The following SAP130 variants were observed in gnomAD, a reference collection of about 807,000 sequenced individuals.
The protein encoded by SAP130 is histone deacetylase complex subunit SAP130.
SAP130 carries 16 observed loss-of-function variants against 103.2 expected under a neutral mutation model. That is an observed-to-expected ratio of 0.16 (90% CI 0.10 to 0.24). The LOEUF (loss-of-function observed/expected upper bound fraction) is 0.24, where lower values mean the gene tolerates loss of function less well. Among genes scored for constraint, SAP130 ranks in the 10% least tolerant of loss-of-function variants. The pLI, the probability that SAP130 is intolerant of heterozygous loss-of-function variation, is 1.00. For synonymous variants in SAP130, 477 were observed against 497.0 expected (o/e 0.96, Z 0.53); for missense variants, 990 against 1,359.7 (o/e 0.73, Z 4.28).
rs1267223645 is a variant in SAP130, at chr2:127,989,210, C to T, written c.1780+354G>A. ...ACATCCCCAGTTCACGCCATTCTCTCGCCTCAGCCTCCCGAGTAGCTAGGA... is the reference window on the plus strand; with the variant it reads ...ACATCCCCAGTTCACGCCATTCTCTTGCCTCAGCCTCCCGAGTAGCTAGGA... On this transcript the variant is annotated intron_variant, in intron 13 of 20. Transcript: ENST00000643581. The surrounding 1 kb of genome is among the most constrained non-coding windows in gnomAD (Gnocchi z 4.6). Among the ~76,000 whole-genome samples the T allele has an allele frequency of 6.6e-6, 1 of 151,664 alleles. No individual in the cohort carries two copies. Among genetic ancestry groups the T allele is most frequent in the Non-Finnish European group, 1.5e-5 (1 of 67,956 alleles).
In SAP130 at chr2:127,996,423, T is replaced by C; in HGVS notation, c.1282A>G (p.Ser428Gly). The C allele has an allele frequency of 6.2e-7, 1 of 1,610,184 alleles. No individual in the cohort carries two copies. The highest frequency in any genetic ancestry group is 1.1e-5 in the South Asian group (1 of 90,294). ...RIQPDYPAER[S>G]SLIPISGHRA... is the part of the protein sequence containing the mutation. ...TGTCCGGAGATGGGAATCAGGCTAC[T>C]CCTCTCGGCAGGGTAGTCTGGCTGG... The change falls in exon 11 of 21, where the codon AGT becomes GGT. Residue 428 changes from serine (S) to glycine (G), a missense_variant. Coordinates refer to ENST00000643581, the MANE Select transcript of SAP130 (RefSeq NM_001330301.2). The surrounding 1 kb of genome is among the most constrained non-coding windows in gnomAD (Gnocchi z 4.3).
At chr2:127,973,821 C>G (rs776387047) in intron 15 of SAP130, among the ~76,000 whole-genome samples, 4 of 152,098 alleles carry the variant, frequency 2.6e-5, no homozygotes, top group Non-Finnish European at 5.9e-5. Context: ...TGTCTGTAAT[C>G]CCAGCACTTT....
chr2:128,011,933 C>T (rs1684425824), intron 6 of SAP130, among the ~76,000 whole-genome samples: 1 of 152,182 alleles, frequency 6.6e-6, no homozygotes, highest in Non-Finnish European at 1.5e-5. Context: ...CCACCTCAGC[C>T]TCCCAGGTAG....
At chr2:128,002,465 G>T (rs1683632264) in intron 7 of SAP130, among the ~76,000 whole-genome samples, 1 of 152,034 alleles carries the variant, frequency 6.6e-6, no homozygotes, top group African/African-American at 2.4e-5. Context: ...GGAGGCAGAG[G>T]TTGCAGTGAG....
At chr2:127,952,928 G>A (rs1424468088) in intron 16 of SAP130, among the ~76,000 whole-genome samples, 9 of 152,122 alleles carry the variant, frequency 5.9e-5, no homozygotes, top group African/African-American at 2.2e-4. Flanking sequence ...CCTAGGTGAT[G>A]TGAACGACTC....
At position 127,950,406 on chromosome 2, in the gene SAP130, C is replaced by T. The variant is rs1312106921; in HGVS notation, c.2425G>A (p.Val809Ile). Residue 809 changes from valine to isoleucine, a missense_variant and splice_region_variant, in exon 17 of 21, where the codon GTT (valine) becomes ATT (isoleucine). By Grantham distance (29) the Val-to-Ile change is conservative. This residue lies in a region of SAP130 where 349 missense variants were observed against 384.1 expected (regional missense o/e 0.91). Coordinates refer to ENST00000643581, the MANE Select transcript of SAP130 (RefSeq NM_001330301.2). ...PMDIMRPVSA[V>I]PPLATNTVSP... ...ACAGTGTTGGTAGCCAGTGGAGGAA[C>T]TGCTGTCATAGGAAAAGGAGCACAC... 6.2e-7 allele frequency: 1 copy of T among 1,614,020 alleles called. No individual in the cohort carries two copies. Among genetic ancestry groups the T allele is most frequent in the Non-Finnish European group, 8.5e-7 (1 of 1,179,992 alleles).
At chr2:128,010,432 T>C in intron 6 of SAP130, 39 bp from the exon 7 acceptor site, 1 of 1,584,672 alleles carries the variant, frequency 6.3e-7, no homozygotes, top group Non-Finnish European at 8.6e-7. Context: ...AAAACAAAAA[T>C]AAAATAGAGG....
rs1169986338 is a variant in SAP130, at chr2:127,950,337, T to C, written c.2494A>G (p.Thr832Ala). 1.5e-5 allele frequency: 25 copies of C among 1,614,112 alleles called. No individual in the cohort carries two copies. Among genetic ancestry groups the C allele is most frequent in the Non-Finnish European group, 1.9e-5 (23 of 1,180,048 alleles). ...ALLANNLSMPTSDLPPGASPR... is the reference protein window; with the variant it reads ...ALLANNLSMPASDLPPGASPR... ...GAGGCACCAGGTGGTAGGTCACTTG[T>C]AGGCATGGACAAGTTGTTTGCCAGC... Residue 832 changes from threonine to alanine, a missense_variant, in exon 17 of 21, where the codon ACA becomes GCA. Transcript: ENST00000643581.
At position 128,014,899 on chromosome 2, in the gene SAP130, G is replaced by C; in HGVS notation, c.523C>G (p.Leu175Val). Residue 175 changes from leucine to valine, a missense_variant, in exon 5 of 21, where the codon CTG (leucine) becomes GTG (valine). Leu to Val is a conservative substitution (Grantham distance 32). Coordinates refer to ENST00000643581, the MANE Select transcript of SAP130 (RefSeq NM_001330301.2). ...ISGQQGHPSN[L>V]HHIMTTNVQM... ...ACATTTGTAGTCATGATGTGATGCAGGTTACTGGGATGGCCCTGAAAGAAA... is the reference window on the plus strand; with the variant it reads ...ACATTTGTAGTCATGATGTGATGCACGTTACTGGGATGGCCCTGAAAGAAA... 1 of 1,613,894 alleles carries C rather than the reference G, an allele frequency of 6.2e-7. No individual in the cohort carries two copies. Among genetic ancestry groups the C allele is most frequent in the African/African-American group, 1.3e-5 (1 of 75,032 alleles).
At chr2:127,977,927 C>A (rs1394081512) in intron 15 of SAP130, 58 bp downstream of exon 15, 10 of 1,286,288 alleles carry the variant, frequency 7.8e-6, no homozygotes, top group Non-Finnish European at 1.1e-5. Flanking sequence ...TTAGACTCTC[C>A]CCAACTGCAA....
At chr2:127,970,473 G>A (rs187888430) in intron 15 of SAP130, among the ~76,000 whole-genome samples, 42 of 146,096 alleles carry the variant, frequency 2.9e-4, no homozygotes, top group African/African-American at 1.0e-3. Flanking sequence ...CCAGGGTGTT[G>A]GAGGTTGCAG....
rs371229067 is a variant in SAP130 at position 127,942,975 on chromosome 2, C to T, written c.2902-438G>A. Among the ~76,000 whole-genome samples the T allele has an allele frequency of 4.8e-3, 724 of 151,328 alleles. 4 individuals carry two copies. The highest frequency in any genetic ancestry group is 7.9e-3 in the South Asian group (38 of 4,788). On this transcript the variant is annotated intron_variant, in intron 19 of 20. Transcript: ENST00000643581. The surrounding 1 kb of genome is among the most constrained non-coding windows in gnomAD (Gnocchi z 4.8). ...TGCACTCCAGCCTGGGCAACAAGAG[C>T]GAAATTCCATCTAAAAAATAAATAA... is the stretch of plus-strand genomic sequence containing the variant.
chr2:127,981,519 CT>C (rs1681911892), intron 14 of SAP130, among the ~76,000 whole-genome samples: 4 of 93,936 alleles, frequency 4.3e-5, no homozygotes, highest in Non-Finnish European at 5.9e-5. Context: ...TCTTGCACCC[CT>C]GACTCAGTTC....
intron 15 of SAP130, among the ~76,000 whole-genome samples, chr2:127,972,674 C>T (rs1461963874): frequency 1.3e-5 from 2 of 152,080 alleles, no homozygotes; most frequent in East Asian, 1.9e-4. Context: ...AGGAGAATCA[C>T]CTGAGCCTGG....
In SAP130 at chr2:127,945,518, C is replaced by G. The variant is rs2104691533; in HGVS notation, c.2839G>C (p.Gly947Arg). The G allele has an allele frequency of 6.2e-7, 1 of 1,613,404 alleles. No homozygotes were observed. Among genetic ancestry groups the G allele is most frequent in the Non-Finnish European group, 8.5e-7 (1 of 1,179,384 alleles). Reference protein sequence around the residue: ...AMLQEIANQKGVSCRAQGWKV... With the variant: ...AMLQEIANQKRVSCRAQGWKV... ...CAGCCTTGAGCACGACAGGATACTC[C>G]TTTCTGATTAGCTATTTCCTGCAGC... The change falls in exon 19 of 21, where the codon GGA becomes CGA. Residue 947 changes from glycine (G) to arginine (R), a missense_variant. Gly to Arg is a moderately radical substitution (Grantham distance 125). Around this residue, in one of 6 missense-constraint regions of SAP130, gnomAD observed 69 missense variants for 165.7 expected, o/e 0.42. Coordinates refer to ENST00000643581, the MANE Select transcript of SAP130 (RefSeq NM_001330301.2).
rs559943016 is a variant in SAP130 at position 127,953,514 on chromosome 2, C to T, written c.2422+1472G>A. 6.6e-6 allele frequency among the ~76,000 whole-genome samples: 1 copy of T among 152,194 alleles called. No individual in the cohort carries two copies. Among genetic ancestry groups the T allele is most frequent in the East Asian group, 1.9e-4 (1 of 5,204 alleles). On this transcript the variant is annotated intron_variant, in intron 16 of 20. Transcript: ENST00000643581. The surrounding 1 kb of genome is among the most constrained non-coding windows in gnomAD (Gnocchi z 4.0). Reference sequence around the variant, plus strand: ...CTCTGCTCCAACAGCTCCCTGCCAACCCCAGCAAAGCCAAAACCTTTACAA... The same window carrying T: ...CTCTGCTCCAACAGCTCCCTGCCAATCCCAGCAAAGCCAAAACCTTTACAA...
At chr2:128,027,384 T>C in intron 1 of SAP130, 1 of 1,131,636 alleles carries the variant, frequency 8.8e-7, no homozygotes, top group Non-Finnish European at 1.1e-6. Flanking sequence ...CACAGCGACC[T>C]GCACGTTCAG....
At position 127,999,865 on chromosome 2, in the gene SAP130, G is replaced by T. The variant is rs761123065; in HGVS notation, c.1109-20C>A. ...CAGATCCTGAAATAGGGGAAAAAAG[G>T]AAATTCTTTAACAAGAACTTCTCTG... On this transcript the variant is annotated intron_variant, in intron 9 of 20. Coordinates refer to ENST00000643581, the MANE Select transcript of SAP130 (RefSeq NM_001330301.2). 6.6e-6 allele frequency: 10 copies of T among 1,506,338 alleles called. No homozygotes were observed. The highest frequency in any genetic ancestry group is 5.4e-6 in the Non-Finnish European group (6 of 1,121,434). 93.3% of individuals were successfully genotyped at this position (1,506,338 alleles called of 1,614,324 possible).
intron 1 of SAP130, chr2:128,027,312 T>G: frequency 9.7e-7 from 1 of 1,032,610 alleles, no homozygotes. Context: ...AACCTGCCCC[T>G]GCCTCCCCCG....
Sources: allele counts gnomAD v4.1 joint callset (sites outside exome capture counted in the v4.1 genomes callset), GRCh38; gene constraint gnomAD v4.1.1; regional missense constraint gnomAD v4.1.1; non-coding constraint Gnocchi (gnomAD v3.1); transcripts MANE v1.5; gene names NCBI Gene and HGNC (gene_info 2026-07-23, HGNC 2026-07-21).